Variants in IKZF2 observed in about 807,000 individuals in gnomAD.
IKZF2 encodes zinc finger protein Helios.
IKZF2 carries 15 observed loss-of-function variants against 49.2 expected under a neutral mutation model. The ratio of observed to expected loss-of-function variants is 0.30; its 90% CI spans 0.20 to 0.47. The LOEUF is 0.47. Ranked by LOEUF, IKZF2 falls within the 20% of genes least tolerant of loss-of-function variation. The pLI is 1.00. For missense variants in IKZF2, 567 were observed against 664.6 expected (o/e 0.85, Z 1.61); for synonymous variants, 227 against 221.4 (o/e 1.03, Z -0.23).
chr2:213,081,358 AGGTGATT>A (rs1424569835), intron 4 of IKZF2: 3 of 153,108 alleles, frequency 2.0e-5, no homozygotes, highest in Non-Finnish European at 4.4e-5. Flanking sequence ...GATGCAGGAC[AGGTGATT>A]GGCAATGATC....
rs1488240330 is a variant in IKZF2, at chr2:213,007,511, C to T, written c.1430G>A (p.Arg477Gln). The stretch of plus-strand genomic sequence containing the variant: ...CATGACATGGTCTAGGAAAAGGACT[C>T]GGCAGTGCTCACACTTGAAGGCCCT... Reference protein sequence around the residue: ...QIRAFKCEHCRVLFLDHVMYT... With the variant: ...QIRAFKCEHCQVLFLDHVMYT... Residue 477 changes from arginine (R) to glutamine (Q), a missense_variant, in exon 9 of 9, where the codon CGA becomes CAA. Physicochemically the swap from Arg to Gln is conservative, Grantham distance 43. Coordinates refer to ENST00000434687, the MANE Select transcript of IKZF2 (RefSeq NM_001387220.1). The T allele has an allele frequency of 1.4e-5, 23 of 1,613,598 alleles. No homozygotes were observed. The highest frequency in any genetic ancestry group is 1.3e-4 in the Admixed American group (8 of 59,960).
intron 4 of IKZF2, among the ~76,000 whole-genome samples, chr2:213,132,355 G>A (rs936985244): frequency 3.3e-5 from 5 of 151,802 alleles, no homozygotes; most frequent in African/African-American, 4.8e-5. Flanking sequence ...ATTAGGGATC[G>A]ACTGTCCTGT....
intron 4 of IKZF2, among the ~76,000 whole-genome samples, chr2:213,118,004 C>A (rs2059931965): frequency 6.6e-6 from 1 of 152,038 alleles, no homozygotes; most frequent in African/African-American, 2.4e-5. Flanking sequence ...ATTCTTATAA[C>A]CACTACCATA....
At position 213,008,010 on chromosome 2, in the gene IKZF2, G is replaced by C; in HGVS notation, c.931C>G (p.Leu311Val). ...TGGTCCATCATATGAGACTGCATCA[G>C]CTCAGCCTCCTTCTCATATGTTAAG... is the stretch of plus-strand genomic sequence containing the variant. ...MNLTYEKEAE[L>V]MQSHMMDQAI... The change falls in exon 9 of 9, where the codon CTG becomes GTG. Residue 311 changes from leucine to valine, a missense_variant. Physicochemically the swap from Leu to Val is conservative, Grantham distance 32. Coordinates refer to ENST00000434687, the MANE Select transcript of IKZF2 (RefSeq NM_001387220.1). 1 of 1,613,134 alleles carries C rather than the reference G, an allele frequency of 6.2e-7. No homozygotes were observed. Among genetic ancestry groups the C allele is most frequent in the Non-Finnish European group, 8.5e-7 (1 of 1,179,618 alleles).
At chr2:213,117,255 T>C (rs749549100) in intron 4 of IKZF2, among the ~76,000 whole-genome samples, 7 of 152,194 alleles carry the variant, frequency 4.6e-5, no homozygotes, top group Non-Finnish European at 1.0e-4. Flanking sequence ...CCACAGTTAC[T>C]GAATAATCAT....
intron 4 of IKZF2, among the ~76,000 whole-genome samples, chr2:213,070,193 A>T (rs1702549421): frequency 6.6e-6 from 1 of 152,158 alleles, no homozygotes; most frequent in Non-Finnish European, 1.5e-5. Flanking sequence ...TCATATGAAT[A>T]CAGTAAAATC....
rs527789139 is a variant in IKZF2, at chr2:213,031,145, T to C, written c.575-9015A>G. ...CAGGCTGTGTTAATACTGTTTACTC[T>C]TCTTTAACAGGATGTGCCAGGTGTT... On this transcript the variant is annotated intron_variant, in intron 6 of 8. Transcript: ENST00000434687. Among the ~76,000 whole-genome samples the C allele has an allele frequency of 1.7e-3, 261 of 152,322 alleles. 2 individuals carry two copies. Among genetic ancestry groups the C allele is most frequent in the African/African-American group, 5.9e-3 (244 of 41,576 alleles).
At chr2:213,041,941 C>G (rs1417704563) in intron 6 of IKZF2, among the ~76,000 whole-genome samples, 5 of 152,122 alleles carry the variant, frequency 3.3e-5, no homozygotes, top group African/African-American at 1.2e-4. Flanking sequence ...GGAGACTACT[C>G]TTTAAGGTGT....
chr2:213,107,082 G>C (rs1029219176), intron 4 of IKZF2, among the ~76,000 whole-genome samples: 2 of 152,096 alleles, frequency 1.3e-5, no homozygotes, highest in African/African-American at 2.4e-5. Flanking sequence ...GTACCTGTTT[G>C]TCAACAGGTC....
At chr2:213,010,547 G>T (rs1695833745) in intron 8 of IKZF2, among the ~76,000 whole-genome samples, 1 of 152,116 alleles carries the variant, frequency 6.6e-6, no homozygotes, top group South Asian at 2.1e-4. Flanking sequence ...CCTCTTCATA[G>T]GGTCCATAAT....
intron 4 of IKZF2, among the ~76,000 whole-genome samples, chr2:213,113,168 C>T (rs1454824917): frequency 6.6e-6 from 1 of 152,102 alleles, no homozygotes; most frequent in East Asian, 1.9e-4. Context: ...TAAATATTAG[C>T]TAAGTTAAAT....
At chr2:213,054,570 G>A (rs544369635) in intron 5 of IKZF2, among the ~76,000 whole-genome samples, 1 of 152,274 alleles carries the variant, frequency 6.6e-6, no homozygotes, top group Admixed American at 6.5e-5. Context: ...ATGTTGAAGT[G>A]TCTAGTTTAA....
intron 4 of IKZF2, among the ~76,000 whole-genome samples, chr2:213,074,441 C>T (rs1370307323): frequency 6.6e-6 from 1 of 152,118 alleles, no homozygotes; most frequent in Non-Finnish European, 1.5e-5. Flanking sequence ...GAAAATGTAT[C>T]TTAAAAATAC....
chr2:213,055,534 TATG>T (rs1057481871), intron 5 of IKZF2, among the ~76,000 whole-genome samples: 12 of 152,092 alleles, frequency 7.9e-5, no homozygotes, highest in Non-Finnish European at 1.3e-4. Flanking sequence ...TGATTTTGAT[TATG>T]ATAACACTGA....
chr2:213,134,954 T>C (rs757755256), intron 4 of IKZF2, among the ~76,000 whole-genome samples: 37 of 152,226 alleles, frequency 2.4e-4, no homozygotes, highest in Admixed American at 7.2e-4. Flanking sequence ...TCTTTCTTTC[T>C]TCTTGCCAGC....
chr2:213,027,244 C>G (rs1697910397), intron 6 of IKZF2, among the ~76,000 whole-genome samples: 1 of 152,058 alleles, frequency 6.6e-6, no homozygotes. Flanking sequence ...TGTGGTCTTT[C>G]AATAGTTACA....
intron 4 of IKZF2, among the ~76,000 whole-genome samples, chr2:213,097,138 TTAA>T (rs1706099505): frequency 1.3e-5 from 2 of 152,068 alleles, no homozygotes; most frequent in African/African-American, 4.8e-5. Flanking sequence ...GGCATGCAGT[TTAA>T]TGAGATAATT....
Position 213,119,875 on chromosome 2 carries a change from T to C in IKZF2, c.139+27833A>G, listed in dbSNP as rs900728913. ...AATTAGTTAGTAGTCAGTAAGTACC[T>C]GGCAAAGAAAGAAGCAGTCTCACTT... On this transcript the variant is annotated intron_variant, in intron 4 of 8. Coordinates refer to ENST00000434687, the MANE Select transcript of IKZF2 (RefSeq NM_001387220.1). Among the ~76,000 whole-genome samples the C allele has an allele frequency of 2.6e-5, 4 of 152,234 alleles. No homozygotes were observed. In the South Asian group the frequency reaches 8.3e-4, roughly 31 times the overall value.
intron 6 of IKZF2, among the ~76,000 whole-genome samples, chr2:213,023,425 G>T (rs572140707): frequency 1.3e-5 from 2 of 152,272 alleles, no homozygotes; most frequent in Admixed American, 6.5e-5. Context: ...TATCATAAAA[G>T]TTATTTATGG....
Sources: gnomAD v4.1 joint callset for allele counts (sites outside exome capture counted in the v4.1 genomes callset) on GRCh38, gnomAD v4.1.1 for gene constraint, MANE v1.5 for transcripts, NCBI Gene and HGNC (gene_info 2026-07-23, HGNC 2026-07-21) for gene names.